ADGRL2: variants seen among roughly 807,000 people sequenced by gnomAD.
The protein encoded by ADGRL2 is calcium-independent alpha-latrotoxin receptor 2.
A neutral mutation model predicts 157.4 loss-of-function variants in ADGRL2; 44 were observed. The ratio of observed to expected loss-of-function variants is 0.28; its 90% confidence interval spans 0.22 to 0.36. The LOEUF is 0.36. Ranked by LOEUF, ADGRL2 falls within the 10% of genes least tolerant of loss-of-function variation. ADGRL2 has a pLI of 1.00. For synonymous variants in ADGRL2, 585 were observed against 624.7 expected (o/e 0.94, Z 0.95); for missense variants, 1,510 against 1,768.9 (o/e 0.85, Z 2.63).
chr1:81,932,297 A>G (rs1450943701), intron 3 of ADGRL2, among the ~76,000 whole-genome samples: 1 of 152,212 alleles, frequency 6.6e-6, no homozygotes, highest in Non-Finnish European at 1.5e-5. Context: ...CTCAGATAAT[A>G]TACTTATTTC....
At chr1:81,513,469 C>T (rs991723558) in intron 2 of ADGRL2, among the ~76,000 whole-genome samples, 4 of 152,130 alleles carry the variant, frequency 2.6e-5, no homozygotes, top group Admixed American at 6.5e-5. Flanking sequence ...CTACTACTTA[C>T]AAAACACTCT....
chr1:81,930,760 T>C (rs769682826), intron 3 of ADGRL2, among the ~76,000 whole-genome samples: 16 of 152,168 alleles, frequency 1.1e-4, no homozygotes, highest in African/African-American at 1.4e-4. Flanking sequence ...CATTCCAGAA[T>C]TGAACCATTG....
chr1:81,394,761 G>A (rs530316063), intron 1 of ADGRL2, among the ~76,000 whole-genome samples: 1 of 152,174 alleles, frequency 6.6e-6, no homozygotes. Flanking sequence ...GGTATCTCTA[G>A]TTGAATTTTT....
At chr1:81,358,731 A>G (rs1046129626) in intron 1 of ADGRL2, among the ~76,000 whole-genome samples, 3 of 152,146 alleles carry the variant, frequency 2.0e-5, no homozygotes, top group African/African-American at 7.2e-5. Flanking sequence ...TATGTTAAGT[A>G]CCTACTGTTG....
At chr1:81,680,268 C>A (rs2083082810) in intron 3 of ADGRL2, among the ~76,000 whole-genome samples, 1 of 152,204 alleles carries the variant, frequency 6.6e-6, no homozygotes, top group African/African-American at 2.4e-5. Flanking sequence ...TGTAGAAACA[C>A]AGAGGAGTTC....
chr1:81,651,542 C>T (rs775786618), intron 3 of ADGRL2, among the ~76,000 whole-genome samples: 3 of 152,174 alleles, frequency 2.0e-5, no homozygotes, highest in Non-Finnish European at 4.4e-5. Flanking sequence ...TGACCTGTAA[C>T]AAATGTGGAG....
chr1:81,428,529 A>G (rs900679241), intron 1 of ADGRL2, among the ~76,000 whole-genome samples: 4 of 152,186 alleles, frequency 2.6e-5, no homozygotes, highest in Non-Finnish European at 5.9e-5. Flanking sequence ...AGCAAGTATG[A>G]AACTCAAACA....
chr1:81,335,255 A>G (rs1661554651), intron 1 of ADGRL2, among the ~76,000 whole-genome samples: 2 of 152,168 alleles, frequency 1.3e-5, no homozygotes, highest in East Asian at 1.9e-4. Context: ...CCTAATCCCC[A>G]CACATACACA....
intron 1 of ADGRL2, among the ~76,000 whole-genome samples, chr1:81,362,449 T>C (rs1036945615): frequency 2.0e-5 from 3 of 151,974 alleles, no homozygotes; most frequent in Non-Finnish European, 4.4e-5. Context: ...AAAGAAACTT[T>C]AGTCATTACA....
rs753014450 is a variant in ADGRL2, at chr1:81,893,319, T to TTTGTTTTTGTTTTTTTTTTTGTTTTTG, written c.74-13697_74-13696insTGTTTTTGTTTTTTTTTTTGTTTTTGT. Among the ~76,000 whole-genome samples, 57 of 150,356 alleles carry TTTGTTTTTGTTTTTTTTTTTGTTTTTG rather than the reference T, an allele frequency of 3.8e-4. 1 individual carries two copies. Among genetic ancestry groups the TTTGTTTTTGTTTTTTTTTTTGTTTTTG allele is most frequent in the Middle Eastern group, 3.4e-3 (1 of 290 alleles). Reference sequence around the variant, plus strand: ...GTTTTTGTGACTTATCAATCCTGTCTTGTATTTTTCTTTTTTTCTTGAATA... The same window carrying TTTGTTTTTGTTTTTTTTTTTGTTTTTG: ...GTTTTTGTGACTTATCAATCCTGTCTTTGTTTTTGTTTTTTTTTTTGTTTTTGTGTATTTTTCTTTTTTTCTTGAATA... On this transcript the variant is annotated intron_variant, in intron 2 of 23. Coordinates refer to ENST00000686636, the MANE Select transcript of ADGRL2 (RefSeq NM_001366006.2).
rs1289612252 is a variant in ADGRL2 at position 81,907,607 on chromosome 1, T to G, written c.287+377T>G. ...TTTGGCATTAGTTGCTACTTAACTT[T>G]TTTTTTTTAAATTAATAAACTTTGT... is the stretch of plus-strand genomic sequence containing the variant. On this transcript the variant is annotated intron_variant, in intron 3 of 23. Transcript: ENST00000686636. Among the ~76,000 whole-genome samples, 8 of 152,140 alleles carry G rather than the reference T, an allele frequency of 5.3e-5. No homozygotes were observed. The East Asian group carries it at 1.5e-3, about 29-fold the overall frequency.
intron 2 of ADGRL2, among the ~76,000 whole-genome samples, chr1:81,853,237 C>T (rs910035555): frequency 2.6e-5 from 4 of 152,112 alleles, no homozygotes; most frequent in African/African-American, 4.8e-5. Flanking sequence ...CTCCACTAAT[C>T]GAGAGAGTGC....
intron 2 of ADGRL2, among the ~76,000 whole-genome samples, chr1:81,489,491 C>A (rs147972539): frequency 9.2e-5 from 14 of 152,220 alleles, no homozygotes; most frequent in African/African-American, 3.4e-4. Context: ...AACAGACCAA[C>A]ATACACACTG....
chr1:81,488,999 G>A (rs2078569678), intron 2 of ADGRL2, among the ~76,000 whole-genome samples: 1 of 152,170 alleles, frequency 6.6e-6, no homozygotes, highest in Admixed American at 6.5e-5. Flanking sequence ...ACTGTGGGAA[G>A]TTGAGGTGGG....
At chr1:81,664,040 TATAAA>T (rs1328969971) in intron 3 of ADGRL2, among the ~76,000 whole-genome samples, 8 of 152,186 alleles carry the variant, frequency 5.3e-5, no homozygotes, top group African/African-American at 1.9e-4. Flanking sequence ...TACTAGAGGT[TATAAA>T]ATATCTCAGC....
At chr1:81,534,089 A>G (rs1286198199) in intron 2 of ADGRL2, among the ~76,000 whole-genome samples, 6 of 152,124 alleles carry the variant, frequency 3.9e-5, no homozygotes, top group Non-Finnish European at 8.8e-5. Context: ...ATCTAACCAA[A>G]ATGGGCTTCA....
At chr1:81,656,236 A>T (rs370199019) in intron 3 of ADGRL2, among the ~76,000 whole-genome samples, 5 of 152,170 alleles carry the variant, frequency 3.3e-5, no homozygotes, top group African/African-American at 1.2e-4. Context: ...GCACTTTAAC[A>T]TACCCTGTCT....
chr1:81,903,549 G>A (rs2094526318), intron 2 of ADGRL2, among the ~76,000 whole-genome samples: 1 of 151,626 alleles, frequency 6.6e-6, no homozygotes, highest in African/African-American at 2.4e-5. Flanking sequence ...TGTAAAATTG[G>A]TACTATAACA....
chr1:81,977,438 C>T (rs1396286425), intron 17 of ADGRL2, among the ~76,000 whole-genome samples: 1 of 151,734 alleles, frequency 6.6e-6, no homozygotes, highest in East Asian at 1.9e-4. Flanking sequence ...ATGACTTTAT[C>T]ATACTTAAGT....
Sources: gnomAD v4.1 joint callset for allele counts (sites outside exome capture counted in the v4.1 genomes callset) on GRCh38, gnomAD v4.1.1 for gene constraint, MANE v1.5 for transcripts, NCBI Gene and HGNC (gene_info 2026-07-23, HGNC 2026-07-21) for gene names.